MAGED1: variants seen among roughly 807,000 people sequenced by gnomAD.
MAGED1 encodes MAGE family member D1.
MAGED1 carries 3 observed loss-of-function variants against 54.1 expected under a neutral mutation model. The observed-to-expected ratio is 0.06, with a 90% CI of 0.03 to 0.14. MAGED1 has a LOEUF of 0.14. MAGED1 is among the 10% of genes least tolerant of loss of function. The pLI is 1.00. For synonymous variants in MAGED1, 217 were observed against 227.3 expected, an observed-to-expected ratio of 0.95 and a Z score of 0.41; for missense variants, 485 against 623.4, an observed-to-expected ratio of 0.78 and a Z score of 2.36.
chrX:51,808,210 T>C (rs915373107), intron 1 of MAGED1, among the ~76,000 whole-genome samples: 134 of 112,086 alleles, frequency 1.2e-3, no homozygotes, highest in Middle Eastern at 9.2e-3. Flanking sequence ...GTTAAGTTTT[T>C]GGGGATTTTA....
chrX:51,822,243 A>G (rs1429767055), intron 1 of MAGED1, among the ~76,000 whole-genome samples: 1 of 111,613 alleles, frequency 9.0e-6, no homozygotes, highest in African/African-American at 3.3e-5. Flanking sequence ...AGGTTTCTTT[A>G]TCTTATCTAT....
rs782721470 is a variant in MAGED1 at position 51,814,280 on chromosome X, G to A, written c.-37+11163G>A. Among the ~76,000 whole-genome samples the A allele has an allele frequency of 3.6e-3, 407 of 111,532 alleles. 4 individuals carry two copies. Among genetic ancestry groups the A allele is most frequent in the African/African-American group, 0.012 (379 of 30,739 alleles). Reference sequence around the variant, plus strand: ...TGTTGCTGCTGCTGCTGCCGCTGCCGCTGCTGCTACCGCCGCCGCCGCTGC... The same window carrying A: ...TGTTGCTGCTGCTGCTGCCGCTGCCACTGCTGCTACCGCCGCCGCCGCTGC... On this transcript the variant is annotated intron_variant, in intron 1 of 12. Coordinates refer to the MAGED1 transcript ENST00000375772.
intron 11 of MAGED1, among the ~76,000 whole-genome samples, chrX:51,901,220 T>A (rs1929007303): frequency 8.9e-6 from 1 of 112,109 alleles, no homozygotes; most frequent in South Asian, 3.7e-4. Flanking sequence ...TTAACCGATA[T>A]CTCCCTATCC....
Position 51,814,297 on chromosome X carries a change from C to CGCCGCT in MAGED1, c.-37+11190_-37+11195dup, listed in dbSNP as rs781873003. 2.8e-3 allele frequency among the ~76,000 whole-genome samples: 315 copies of CGCCGCT among 111,605 alleles called. 4 individuals carry two copies. The highest frequency in any genetic ancestry group is 5.0e-3 in the Admixed American group (53 of 10,553). ...CCGCTGCCGCTGCTGCTACCGCCGCCGCCGCTGCCGCTGCCACTGCCGCCA... is the reference window on the plus strand; with the variant it reads ...CCGCTGCCGCTGCTGCTACCGCCGCCGCCGCTGCCGCTGCCGCTGCCACTGCCGCCA... On this transcript the variant is annotated intron_variant, in intron 1 of 12. Transcript: ENST00000375772.
chrX:51,833,759 T>A (rs905865269), intron 1 of MAGED1, among the ~76,000 whole-genome samples: 6 of 111,863 alleles, frequency 5.4e-5, no homozygotes, highest in Non-Finnish European at 1.1e-4. Flanking sequence ...CTTTATAAAA[T>A]CACGAAATAT....
intron 1 of MAGED1, among the ~76,000 whole-genome samples, chrX:51,882,753 C>T (rs1449089630): frequency 9.0e-6 from 1 of 111,009 alleles, no homozygotes; most frequent in African/African-American, 3.3e-5. Context: ...TGCAGTGGTG[C>T]GATCTTGGCT....
intron 1 of MAGED1, chrX:51,858,137 A>G (rs1449094916): frequency 8.9e-6 from 1 of 112,533 alleles, no homozygotes; most frequent in East Asian, 2.8e-4. Context: ...ACATTGTTTA[A>G]TCATTTTTTT....
rs782805002 is a variant in MAGED1, at chrX:51,894,337, C to G, written c.33C>G (p.Leu11=). Residue 11 remains leucine (L), a synonymous_variant, in exon 2 of 13, where the codon CTC becomes CTG. Transcript: ENST00000326587. Reference sequence around the variant, plus strand: ...AGAAAATGGACTGTGGTGCGGGCCTCCTCGGCTTCCAGGTGAGATCTCCAC... The same window carrying G: ...AGAAAATGGACTGTGGTGCGGGCCTGCTCGGCTTCCAGGTGAGATCTCCAC... MAQKMDCGAG[L]LGFQAEASVE... 1.7e-6 allele frequency: 2 copies of G among 1,200,027 alleles called. No individual in the cohort carries two copies. Among genetic ancestry groups the G allele is most frequent in the African/African-American group, 3.6e-5 (2 of 56,186 alleles).
chrX:51,843,083 T>C (rs781826461), intron 1 of MAGED1, among the ~76,000 whole-genome samples: 40 of 111,985 alleles, frequency 3.6e-4, no homozygotes, highest in Non-Finnish European at 7.0e-4. Context: ...CTTTATTTTC[T>C]TGGAGAAGGC....
At chrX:51,869,325 A>G (rs1481569379) in intron 1 of MAGED1, among the ~76,000 whole-genome samples, 1 of 111,534 alleles carries the variant, frequency 9.0e-6, no homozygotes, top group Non-Finnish European at 1.9e-5. Flanking sequence ...GTTCTGGTCT[A>G]AAGACATTTT....
In MAGED1 at chrX:51,895,454, GAATGCCACTACTAAAGTGGGCCCA is replaced by G; in HGVS notation, c.456_479del (p.Thr153_Thr160del). 8.3e-7 allele frequency: 1 copy of G among 1,208,445 alleles called. No individual in the cohort carries two copies. The highest frequency in any genetic ancestry group is 1.1e-6 in the Non-Finnish European group (1 of 893,739). On this transcript the variant is annotated inframe_deletion, in exon 3 of 13. Transcript: ENST00000326587. Reference sequence around the variant, plus strand: ...AGTCTGAGATGGCCTTCAAGGCCCAGAATGCCACTACTAAAGTGGGCCCAAATGCCACCTACAATTTCTCTCAGT... The same window carrying G: ...AGTCTGAGATGGCCTTCAAGGCCCAGAATGCCACCTACAATTTCTCTCAGT...
intron 1 of MAGED1, among the ~76,000 whole-genome samples, chrX:51,853,917 C>G (rs1263719180): frequency 3.6e-5 from 4 of 111,996 alleles, no homozygotes; most frequent in African/African-American, 1.3e-4. Context: ...ATCTGATGCT[C>G]AGAAAAGTAC....
At chrX:51,831,683 G>C (rs1466486786) in intron 1 of MAGED1, among the ~76,000 whole-genome samples, 1 of 111,154 alleles carries the variant, frequency 9.0e-6, no homozygotes, top group Non-Finnish European at 1.9e-5. Flanking sequence ...TCAGGAATTA[G>C]TAAGTTCCCA....
At chrX:51,886,154 GTTGT>G (rs1156292177) in intron 1 of MAGED1, among the ~76,000 whole-genome samples, 2 of 104,420 alleles carry the variant, frequency 1.9e-5, no homozygotes, top group African/African-American at 6.9e-5. Flanking sequence ...TTAAAGAGGG[GTTGT>G]TTAAGGGGTA....
intron 1 of MAGED1, among the ~76,000 whole-genome samples, chrX:51,803,626 G>A (rs900607311): frequency 5.6e-5 from 5 of 88,649 alleles, no homozygotes; most frequent in African/African-American, 2.1e-4. Flanking sequence ...CAAGGTCAAG[G>A]CTTTTTTTTT....
At chrX:51,850,251 G>T (rs1177619071) in intron 1 of MAGED1, among the ~76,000 whole-genome samples, 1 of 111,408 alleles carries the variant, frequency 9.0e-6, no homozygotes, top group East Asian at 2.8e-4. Context: ...ACCTGAGGAG[G>T]CTCACGCTCT....
chrX:51,896,717 G>C lies in MAGED1; in HGVS notation c.1062G>C (p.Val354=), dbSNP rs138624949. 1 of 1,210,648 alleles carries C rather than the reference G, an allele frequency of 8.3e-7. No individual in the cohort carries two copies. The highest frequency in any genetic ancestry group is 1.1e-6 in the Non-Finnish European group (1 of 895,344). The change falls in exon 4 of 13, where the codon GTG becomes GTC. Residue 354 remains valine (V), a synonymous_variant. Coordinates refer to ENST00000326587, the MANE Select transcript of MAGED1 (RefSeq NM_006986.4). ...ACCCAGTAATCTGGCAGAACCCAGTGATCTGGCCAAACCCCATTGTCTGGC... is the reference window on the plus strand; with the variant it reads ...ACCCAGTAATCTGGCAGAACCCAGTCATCTGGCCAAACCCCATTGTCTGGC... The part of the protein sequence containing the change: ...WPNPVIWQNP[V]IWPNPIVWPG...
At chrX:51,900,029 A>G in intron 10 of MAGED1, 153 bp from the exon 11 acceptor site, 1 of 445,820 alleles carries the variant, frequency 2.2e-6, no homozygotes, top group Middle Eastern at 4.5e-4. Flanking sequence ...TTAAGGCTTG[A>G]TGATTAAGGG....
In MAGED1 at chrX:51,813,013, G is replaced by A. The variant is rs782720029; in HGVS notation, c.-37+9896G>A. On this transcript the variant is annotated intron_variant, in intron 1 of 12. Transcript: ENST00000375772. ...AATTTTTAAAATATAATATTTAACC[G>A]CTGACATCTTTTTTTTTTTTTTTTT... Among the ~76,000 whole-genome samples the A allele has an allele frequency of 8.6e-5, 8 of 93,351 alleles. No homozygotes were observed. In the South Asian group the frequency reaches 1.6e-3, roughly 18 times the overall value. 81.1% of individuals were successfully genotyped at this position (93,351 alleles called of 115,157 possible).
Sources: gnomAD v4.1 joint callset for allele counts (sites outside exome capture counted in the v4.1 genomes callset) on GRCh38, gnomAD v4.1.1 for gene constraint, MANE v1.5 for transcripts, NCBI Gene and HGNC (gene_info 2026-07-23, HGNC 2026-07-21) for gene names.